Variants in FRMD4A observed in about 807,000 individuals in gnomAD.
FRMD4A encodes the protein FERM domain containing 4A.
A neutral mutation model predicts 129.1 loss-of-function variants in FRMD4A; 29 were observed. The ratio of observed to expected loss-of-function variants is 0.22; its 90% CI spans 0.17 to 0.31. FRMD4A has a LOEUF of 0.31. Among genes scored for constraint, FRMD4A ranks in the 10% least tolerant of loss-of-function variants. FRMD4A has a pLI of 1.00. For synonymous variants in FRMD4A, 634 were observed against 571.6 expected, an observed-to-expected ratio of 1.11 and a Z score of -1.56; for missense variants, 1,272 against 1,375.8, an observed-to-expected ratio of 0.92 and a Z score of 1.19.
At chr10:13,900,446 C>T (rs1203831378) in intron 2 of FRMD4A, among the ~76,000 whole-genome samples, 3 of 152,180 alleles carry the variant, frequency 2.0e-5, no homozygotes, top group Non-Finnish European at 4.4e-5. Flanking sequence ...TCAATCAAAA[C>T]ATCACAAGCT....
At position 13,656,879 on chromosome 10, in the gene FRMD4A, G is replaced by C; in HGVS notation, c.2710C>G (p.Leu904Val). Reference protein sequence around the residue: ...GRLTPSRSQILRTPSLGREGA... With the variant: ...GRLTPSRSQIVRTPSLGREGA... The stretch of plus-strand genomic sequence containing the variant: ...TCGCGGCCCAGCGACGGAGTCCGCA[G>C]GATCTGCGATCGCGACGGCGTCAGG... The change falls in exon 22 of 25, where the codon CTG (leucine) becomes GTG (valine). Residue 904 changes from leucine (L) to valine (V), a missense_variant. Physicochemically the swap from Leu to Val is conservative, Grantham distance 32. Coordinates refer to ENST00000357447, the MANE Select transcript of FRMD4A (RefSeq NM_018027.5). 1.3e-6 allele frequency: 2 copies of C among 1,487,756 alleles called. No individual in the cohort carries two copies. Among genetic ancestry groups the C allele is most frequent in the Admixed American group, 2.4e-5 (1 of 41,474 alleles). 92.2% of individuals were successfully genotyped at this position (1,487,756 alleles called of 1,614,324 possible).
At chr10:14,199,893 T>G (rs564710241) in intron 2 of FRMD4A, among the ~76,000 whole-genome samples, 1 of 150,894 alleles carries the variant, frequency 6.6e-6, no homozygotes, top group Non-Finnish European at 1.5e-5. Context: ...TTTTAAAAAT[T>G]ATGTTTTTGT....
chr10:14,001,414 A>T (rs2095642434), intron 2 of FRMD4A, among the ~76,000 whole-genome samples: 1 of 152,194 alleles, frequency 6.6e-6, no homozygotes, highest in African/African-American at 2.4e-5. Context: ...TTTGCATAGG[A>T]TGCTGAAACG....
chr10:13,825,910 C>A (rs906752425), intron 3 of FRMD4A, among the ~76,000 whole-genome samples: 2 of 152,338 alleles, frequency 1.3e-5, no homozygotes, highest in Non-Finnish European at 2.9e-5. Flanking sequence ...GTCCTGCAAC[C>A]AATGCCCTGT....
chr10:14,125,876 A>G (rs781534689), intron 2 of FRMD4A, among the ~76,000 whole-genome samples: 3 of 152,074 alleles, frequency 2.0e-5, no homozygotes, highest in Non-Finnish European at 2.9e-5. Flanking sequence ...AAACAAAACA[A>G]AACAGAACAA....
chr10:14,144,961 C>T (rs1840005720), intron 2 of FRMD4A, among the ~76,000 whole-genome samples: 1 of 152,152 alleles, frequency 6.6e-6, no homozygotes, highest in African/African-American at 2.4e-5. Flanking sequence ...CCATCTACTG[C>T]TGCTTCTTCA....
intron 15 of FRMD4A, chr10:13,692,793 C>A (rs1228273562): frequency 6.6e-6 from 1 of 152,220 alleles, no homozygotes; most frequent in East Asian, 1.9e-4. Context: ...GGGAAGATTT[C>A]TTGCCTTCTT....
chr10:13,807,001 G>A (rs2093367069), intron 4 of FRMD4A, among the ~76,000 whole-genome samples: 1 of 152,088 alleles, frequency 6.6e-6, no homozygotes, highest in South Asian at 2.1e-4. Context: ...TAGAGGTGGG[G>A]TTTCACCGTG....
intron 2 of FRMD4A, among the ~76,000 whole-genome samples, chr10:14,182,126 G>A (rs530445375): frequency 7.2e-5 from 11 of 152,242 alleles, no homozygotes; most frequent in South Asian, 2.1e-4. Context: ...CCAAACTGCC[G>A]TATAATTGTT....
Position 13,656,931 on chromosome 10 carries a change from GC to G in FRMD4A, c.2657del (p.Gly886AlafsTer11). The G allele has an allele frequency of 1.3e-6, 2 of 1,501,606 alleles. No homozygotes were observed. The highest frequency in any genetic ancestry group is 1.8e-6 in the Non-Finnish European group (2 of 1,131,446). 93.0% of individuals were successfully genotyped at this position (1,501,606 alleles called of 1,614,324 possible). On this transcript the variant is annotated frameshift_variant, in exon 22 of 25. Coordinates refer to ENST00000357447, the MANE Select transcript of FRMD4A (RefSeq NM_018027.5). LOFTEE classifies it high-confidence loss of function. Reference sequence around the variant, plus strand: ...GGCCCGTGTCGCCCTCGTCGCCGCCGCCGCCGCGCCAGCTCTCCTTGAACAG... The same window carrying G: ...GGCCCGTGTCGCCCTCGTCGCCGCCGCGCCGCGCCAGCTCTCCTTGAACAG... Reference protein sequence around the residue: ...GGLFKESWRGGGGDEGDTGRL... With the variant: ...GGLFKESWRGXGGDEGDTGRL...
At chr10:13,954,779 TG>T (rs1401572795) in intron 2 of FRMD4A, among the ~76,000 whole-genome samples, 3 of 152,194 alleles carry the variant, frequency 2.0e-5, no homozygotes, top group Non-Finnish European at 4.4e-5. Context: ...TCAGATCCAC[TG>T]GCTTGGGTTC....
At position 13,820,591 on chromosome 10, in the gene FRMD4A, T is replaced by C. The variant is rs373478899; in HGVS notation, c.112-9683A>G. The stretch of plus-strand genomic sequence containing the variant: ...CAGCAAACAAGCAGTAACCATCAGG[T>C]GACTCCCATCTGTGCTTTGGGAGGA... On this transcript the variant is annotated intron_variant, in intron 3 of 24. Coordinates refer to ENST00000357447, the MANE Select transcript of FRMD4A (RefSeq NM_018027.5). 2.6e-5 allele frequency among the ~76,000 whole-genome samples: 4 copies of C among 151,732 alleles called. No homozygotes were observed. The East Asian group carries it at 7.8e-4, about 29-fold the overall frequency.
chr10:14,203,345 G>A (rs1297045871), intron 2 of FRMD4A, among the ~76,000 whole-genome samples: 4 of 152,192 alleles, frequency 2.6e-5, no homozygotes, highest in African/African-American at 7.2e-5. Context: ...CTCTCCTAGA[G>A]TGAGCCAAAT....
At chr10:13,773,865 T>G (rs930893281) in intron 6 of FRMD4A, among the ~76,000 whole-genome samples, 4 of 152,184 alleles carry the variant, frequency 2.6e-5, no homozygotes, top group African/African-American at 9.7e-5. Flanking sequence ...GCACCTTCAG[T>G]TGGCTGTTGG....
At position 13,881,990 on chromosome 10, in the gene FRMD4A, GGTGTGTGTGTGTGT is replaced by G. The variant is rs71388128; in HGVS notation, c.46-23092_46-23079del. On this transcript the variant is annotated intron_variant, in intron 2 of 24. Coordinates refer to ENST00000357447, the MANE Select transcript of FRMD4A (RefSeq NM_018027.5). Reference sequence around the variant, plus strand: ...TCAAATGTGCTTGGGGAGAGGCAAGGGTGTGTGTGTGTGTGTGTGTGTGTGTGTGTGTGTGTGTG... The same window carrying G: ...TCAAATGTGCTTGGGGAGAGGCAAGGGTGTGTGTGTGTGTGTGTGTGTGTG... Among the ~76,000 whole-genome samples, 43 of 15,644 alleles carry G rather than the reference GGTGTGTGTGTGTGT, an allele frequency of 2.7e-3. 2 individuals are homozygous for G. The highest frequency in any genetic ancestry group is 3.8e-3 in the African/African-American group (38 of 10,026). 10.3% of individuals were successfully genotyped at this position (15,644 alleles called of 152,430 possible).
At chr10:14,079,673 C>G (rs896981330) in intron 2 of FRMD4A, among the ~76,000 whole-genome samples, 1 of 152,184 alleles carries the variant, frequency 6.6e-6, no homozygotes, top group Admixed American at 6.5e-5. Context: ...CAAACACCCA[C>G]GACACTTAGT....
intron 3 of FRMD4A, among the ~76,000 whole-genome samples, chr10:13,816,452 T>A (rs772061072): frequency 4.6e-5 from 7 of 152,090 alleles, no homozygotes; most frequent in Non-Finnish European, 8.8e-5. Context: ...ACATTGGGGG[T>A]TGTTTGTCAT....
chr10:14,326,830 G>A (rs1164979352), intron 2 of FRMD4A: 2 of 398,508 alleles, frequency 5.0e-6, no homozygotes, highest in Non-Finnish European at 8.8e-6. Context: ...GCCTCCTCAC[G>A]GGTTGGTGAA....
At chr10:14,326,778 G>A in intron 2 of FRMD4A, 1 of 398,422 alleles carries the variant, frequency 2.5e-6, no homozygotes, top group Admixed American at 4.4e-5. Context: ...ATGACACGTA[G>A]CCAAGAGCTT....
Sources: allele counts gnomAD v4.1 joint callset (sites outside exome capture counted in the v4.1 genomes callset), GRCh38; gene constraint gnomAD v4.1.1; transcripts MANE v1.5; gene names NCBI Gene and HGNC (gene_info 2026-07-23, HGNC 2026-07-21).